PHACTR3: variants seen among roughly 807,000 people sequenced by gnomAD.
The protein encoded by PHACTR3 is phosphatase and actin regulator 3.
A neutral mutation model predicts 66.8 loss-of-function variants in PHACTR3; 16 were observed. That is an observed-to-expected ratio of 0.24 (90% CI 0.16 to 0.36). The LOEUF (loss-of-function observed/expected upper bound fraction) is 0.36, where lower values mean the gene tolerates loss of function less well. Among genes scored for constraint, PHACTR3 ranks in the 10% least tolerant of loss-of-function variants. The pLI, the probability that PHACTR3 is intolerant of heterozygous loss-of-function variation, is 1.00. For missense variants in PHACTR3, 647 were observed against 719.9 expected (o/e 0.90, Z 1.16); for synonymous variants, 323 against 292.1 (o/e 1.11, Z -1.08).
chr20:59,684,098 C>A (rs1423675839), intron 1 of PHACTR3, among the ~76,000 whole-genome samples: 1 of 152,200 alleles, frequency 6.6e-6, no homozygotes, highest in Non-Finnish European at 1.5e-5. Context: ...TGTGGCCCTG[C>A]AGCCAGCTGG....
At chr20:59,762,528 A>G (rs541512872) in intron 4 of PHACTR3, among the ~76,000 whole-genome samples, 6 of 152,368 alleles carry the variant, frequency 3.9e-5, no homozygotes, top group African/African-American at 1.4e-4. Context: ...TGTGTCCATC[A>G]TCTCAGAAAG....
intron 3 of PHACTR3, among the ~76,000 whole-genome samples, chr20:59,753,816 A>G (rs2039685082): frequency 6.6e-6 from 1 of 152,228 alleles, no homozygotes; most frequent in South Asian, 2.1e-4. Flanking sequence ...CAAACAGGAC[A>G]CTTTTAGGAG....
intron 4 of PHACTR3, among the ~76,000 whole-genome samples, chr20:59,757,015 G>GA (rs1355955200): frequency 1.3e-5 from 2 of 152,156 alleles, no homozygotes; most frequent in African/African-American, 2.4e-5. Flanking sequence ...AAATTGATAA[G>GA]AAAAAAACCC....
At position 59,766,100 on chromosome 20, in the gene PHACTR3, G is replaced by C. The variant is rs150886538; in HGVS notation, c.542-1086G>C. On this transcript the variant is annotated intron_variant, in intron 4 of 12. Transcript: ENST00000371015. ...TTGCATTTGAGTCAGAAATCCAAGAGGAGCCCCGGTCTGATGACCTCAGTT... is the reference window on the plus strand; with the variant it reads ...TTGCATTTGAGTCAGAAATCCAAGACGAGCCCCGGTCTGATGACCTCAGTT... Among the ~76,000 whole-genome samples, 221 of 152,332 alleles carry C rather than the reference G, an allele frequency of 1.5e-3. 1 individual carries two copies. Among genetic ancestry groups the C allele is most frequent in the African/African-American group, 5.1e-3 (210 of 41,582 alleles).
At chr20:59,841,826 C>T (rs1308237942) in intron 11 of PHACTR3, among the ~76,000 whole-genome samples, 1 of 152,068 alleles carries the variant, frequency 6.6e-6, no homozygotes, top group Non-Finnish European at 1.5e-5. Flanking sequence ...TGCTCAGCAT[C>T]TCACAATGCA....
At chr20:59,754,488 T>C (rs1159073190) in intron 3 of PHACTR3, among the ~76,000 whole-genome samples, 1 of 152,216 alleles carries the variant, frequency 6.6e-6, no homozygotes, top group Non-Finnish European at 1.5e-5. Flanking sequence ...GGACTGTATC[T>C]TACTAACCTC....
chr20:59,775,275 C>T (rs1037996934), intron 7 of PHACTR3, among the ~76,000 whole-genome samples: 10 of 152,076 alleles, frequency 6.6e-5, no homozygotes, highest in African/African-American at 1.7e-4. Flanking sequence ...CCAGGGCGGC[C>T]GTGGTGTTTG....
At chr20:59,734,792 C>T (rs1366523319) in intron 1 of PHACTR3, among the ~76,000 whole-genome samples, 2 of 152,130 alleles carry the variant, frequency 1.3e-5, no homozygotes, top group Non-Finnish European at 2.9e-5. Context: ...CCATGTACTG[C>T]CATGCATTTA....
intron 8 of PHACTR3, among the ~76,000 whole-genome samples, chr20:59,808,693 T>C (rs987073713): frequency 2.6e-5 from 4 of 152,284 alleles, no homozygotes; most frequent in South Asian, 4.1e-4. Flanking sequence ...CCTGGGAAAA[T>C]GCAGGTTCTG....
intron 1 of PHACTR3, among the ~76,000 whole-genome samples, chr20:59,683,191 C>T (rs999110611): frequency 5.3e-5 from 8 of 152,110 alleles, no homozygotes; most frequent in Non-Finnish European, 8.8e-5. Flanking sequence ...AAGGATAGAG[C>T]GTTGGTCCTG....
intron 8 of PHACTR3, among the ~76,000 whole-genome samples, chr20:59,821,950 C>T (rs2042040464): frequency 6.9e-6 from 1 of 145,506 alleles, no homozygotes; most frequent in Non-Finnish European, 1.5e-5. Context: ...ACAGCTACCC[C>T]CTCCCCAGCA....
chr20:59,609,598 A>G (rs2033788107), intron 1 of PHACTR3, among the ~76,000 whole-genome samples: 1 of 151,902 alleles, frequency 6.6e-6, no homozygotes, highest in Non-Finnish European at 1.5e-5. Flanking sequence ...GAAGTTTCCA[A>G]AATGCAAATG....
chr20:59,774,723 T>A (rs188809820), intron 7 of PHACTR3, among the ~76,000 whole-genome samples: 1 of 151,934 alleles, frequency 6.6e-6, no homozygotes, highest in East Asian at 1.9e-4. Context: ...GGTGAAATTG[T>A]TTTGAGAGTT....
chr20:59,683,169 CGTGA>C (rs2036727781), intron 1 of PHACTR3, among the ~76,000 whole-genome samples: 1 of 152,102 alleles, frequency 6.6e-6, no homozygotes, highest in African/African-American at 2.4e-5. Context: ...CAGGTTCTGT[CGTGA>C]GTAACAGAAG....
intron 1 of PHACTR3, among the ~76,000 whole-genome samples, chr20:59,699,623 C>G (rs2037422745): frequency 2.0e-5 from 3 of 152,142 alleles, no homozygotes; most frequent in Admixed American, 2.0e-4. Flanking sequence ...AAGGTGCACA[C>G]TGCCATCATG....
chr20:59,707,478 T>TTTTG (rs2037751012), intron 1 of PHACTR3, among the ~76,000 whole-genome samples: 5 of 146,270 alleles, frequency 3.4e-5, no homozygotes, highest in Non-Finnish European at 4.5e-5. Flanking sequence ...TTTTTTTTTT[T>TTTTG]GAGGCGGAGT....
At chr20:59,600,360 CTCAT>C (rs2033440859), upstream of PHACTR3, among the ~76,000 whole-genome samples, 1 of 152,238 alleles carries the variant, frequency 6.6e-6, no homozygotes, top group Non-Finnish European at 1.5e-5. Context: ...GCAATCATGT[CTCAT>C]TCATGGTGGT....
chr20:59,815,436 T>G (rs1208277130), intron 8 of PHACTR3, among the ~76,000 whole-genome samples: 6 of 149,714 alleles, frequency 4.0e-5, no homozygotes, highest in African/African-American at 1.0e-4. Flanking sequence ...TTTTTTGTTT[T>G]TTTTTTTGAG....
chr20:59,700,665 G>A (rs2037469689), intron 1 of PHACTR3, among the ~76,000 whole-genome samples: 1 of 152,194 alleles, frequency 6.6e-6, no homozygotes, highest in Non-Finnish European at 1.5e-5. Flanking sequence ...GTGAGCAGGT[G>A]GGGGCATATC....
Sources: gnomAD v4.1 joint callset for allele counts (sites outside exome capture counted in the v4.1 genomes callset) on GRCh38, gnomAD v4.1.1 for gene constraint, MANE v1.5 for transcripts, NCBI Gene and HGNC (gene_info 2026-07-23, HGNC 2026-07-21) for gene names.